The following C4orf36 variants were observed in gnomAD, a reference collection of about 807,000 sequenced individuals.
C4orf36 encodes uncharacterized protein C4orf36.
A neutral mutation model predicts 12.2 loss-of-function variants in C4orf36; 11 were observed. The ratio of observed to expected loss-of-function variants is 0.90; its 90% CI spans 0.57 to 1.49. C4orf36 has a LOEUF of 1.49. Ranked by LOEUF, C4orf36 falls within the 40% of genes most tolerant of loss-of-function variation. The pLI, the probability that C4orf36 is intolerant of heterozygous loss-of-function variation, is 0.00. For missense variants in C4orf36, 137 were observed against 133.9 expected (o/e 1.02, Z -0.11); for synonymous variants, 54 against 51.3 (o/e 1.05, Z -0.22).
chr4:86,899,458 G>C, the C4orf36 span, among the ~76,000 whole-genome samples: 2 of 152,126 alleles, frequency 1.3e-5, no homozygotes, highest in African/African-American at 4.8e-5. Flanking sequence ...CAATGTTAAG[G>C]AAAGTCTCTA....
chr4:86,899,622 G>A, the C4orf36 span, among the ~76,000 whole-genome samples: 2 of 152,160 alleles, frequency 1.3e-5, no homozygotes, highest in Admixed American at 6.5e-5. Context: ...CCAGGAGTTT[G>A]AGACCTGCCT....
intron 4 of C4orf36, among the ~76,000 whole-genome samples, chr4:86,883,035 T>A (rs1747084714): frequency 6.6e-6 from 1 of 152,202 alleles, no homozygotes; most frequent in Non-Finnish European, 1.5e-5. Flanking sequence ...GGACAACAGA[T>A]GGAAGCATAT....
chr4:86,913,302 A>C, the C4orf36 span: 1 of 725,720 alleles, frequency 1.4e-6, no homozygotes, highest in South Asian at 1.4e-5. Context: ...TGAAATCCTA[A>C]ATTGTCATGG....
At chr4:86,906,249 GC>G in the C4orf36 span, among the ~76,000 whole-genome samples, 1 of 152,280 alleles carries the variant, frequency 6.6e-6, no homozygotes, top group Admixed American at 6.5e-5. Context: ...GGAGGGCCCT[GC>G]ATGTTTCTAT....
At chr4:86,879,491 A>G (rs2149419474) in intron 4 of C4orf36, among the ~76,000 whole-genome samples, 1 of 152,326 alleles carries the variant, frequency 6.6e-6, no homozygotes, top group South Asian at 2.1e-4. Flanking sequence ...ATTGAGTCAG[A>G]TAAGCAAAAA....
intron 4 of C4orf36, among the ~76,000 whole-genome samples, chr4:86,885,867 C>G (rs551870709): frequency 6.6e-6 from 1 of 152,100 alleles, no homozygotes; most frequent in Admixed American, 6.6e-5. Flanking sequence ...TTTTGAGATA[C>G]GTCCCATCAA....
At chr4:86,896,070 T>G (rs966836122), upstream of C4orf36, among the ~76,000 whole-genome samples, 38 of 152,328 alleles carry the variant, frequency 2.5e-4, no homozygotes, top group African/African-American at 8.2e-4. Context: ...TTGTCTCAAT[T>G]ATCACACAAT....
the C4orf36 span, among the ~76,000 whole-genome samples, chr4:86,904,955 G>C: frequency 2.0e-5 from 3 of 152,052 alleles, no homozygotes; most frequent in Non-Finnish European, 4.4e-5. Flanking sequence ...CTAAATGAGG[G>C]GCGGTTGCGG....
intron 4 of C4orf36, among the ~76,000 whole-genome samples, chr4:86,880,553 C>T (rs1747029000): frequency 1.3e-5 from 2 of 152,260 alleles, no homozygotes; most frequent in Middle Eastern, 6.8e-3. Context: ...TGTGGCAAAA[C>T]TGTCCTTCAA....
the C4orf36 span, among the ~76,000 whole-genome samples, chr4:86,916,059 G>C: frequency 6.6e-6 from 1 of 152,328 alleles, no homozygotes; most frequent in Non-Finnish European, 1.5e-5. Context: ...AAGGCACTTG[G>C]TTTGTGGTCA....
At chr4:86,880,270 C>T (rs138945300) in intron 4 of C4orf36, among the ~76,000 whole-genome samples, 3,093 of 152,106 alleles carry the variant, frequency 0.02, 118 homozygotes, top group African/African-American at 0.07. Flanking sequence ...GTCAGGAGTT[C>T]GAGACCAGCC....
At chr4:86,928,252 G>T in the C4orf36 span, among the ~76,000 whole-genome samples, 2 of 152,222 alleles carry the variant, frequency 1.3e-5, no homozygotes, top group Non-Finnish European at 2.9e-5. Flanking sequence ...CCTAAGGTGG[G>T]GACTAAGGGA....
chr4:86,920,820 G>A, the C4orf36 span, among the ~76,000 whole-genome samples: 1 of 152,106 alleles, frequency 6.6e-6, no homozygotes, highest in Non-Finnish European at 1.5e-5. Context: ...ACATAGTACT[G>A]TTGTATTGGG....
At chr4:86,927,560 C>T in the C4orf36 span, among the ~76,000 whole-genome samples, 37 of 152,040 alleles carry the variant, frequency 2.4e-4, no homozygotes, top group Non-Finnish European at 4.1e-4. Flanking sequence ...TTTGGGAGGC[C>T]GAGGCGGGTG....
In C4orf36 at chr4:86,891,575, A is replaced by G. The variant is rs1747417489; in HGVS notation, c.-55T>C. On this transcript the variant is annotated 5_prime_UTR_variant, in exon 2 of 5. Coordinates refer to ENST00000295898, the MANE Select transcript of C4orf36 (RefSeq NM_144645.4). ...ATAGGTGCCTGATGGAATGTCACAG[A>G]TAACTCTGTTCACTTTACCTGAAAT... 1.2e-6 allele frequency: 2 copies of G among 1,613,172 alleles called. No individual in the cohort carries two copies. The highest frequency in any genetic ancestry group is 3.3e-5 in the Admixed American group (2 of 59,950).
chr4:86,927,729 G>A, the C4orf36 span, among the ~76,000 whole-genome samples: 2 of 152,138 alleles, frequency 1.3e-5, no homozygotes, highest in East Asian at 3.9e-4. Context: ...AACCCGGGAG[G>A]TGGAGGTTGC....
intron 4 of C4orf36, among the ~76,000 whole-genome samples, chr4:86,880,032 T>C (rs1747014307): frequency 6.6e-6 from 1 of 152,024 alleles, no homozygotes; most frequent in South Asian, 2.1e-4. Flanking sequence ...CTTTTTATTT[T>C]TTGTAGAGAT....
Position 86,888,180 on chromosome 4 carries a change from C to T in C4orf36, c.161G>A (p.Gly54Asp), listed in dbSNP as rs1422965797. Residue 54 changes from glycine to aspartate, a missense_variant, in exon 3 of 5, where the codon GGT becomes GAT. Physicochemically the swap from Gly to Asp is moderately conservative, Grantham distance 94. Transcript: ENST00000295898. The stretch of plus-strand genomic sequence containing the variant: ...GGTACATTTTGTGAGCTGCACAGAA[C>T]CACCAAATGAAATTTCTTCCAAGAA... ...LPFLEEISFG[G>D]SVQLTKCTTI... 3 of 1,614,022 alleles carry T rather than the reference C, an allele frequency of 1.9e-6. No homozygotes were observed. Among genetic ancestry groups the T allele is most frequent in the Non-Finnish European group, 2.5e-6 (3 of 1,180,014 alleles).
At chr4:86,926,005 T>C in the C4orf36 span, 1 of 151,326 alleles carries the variant, frequency 6.6e-6, no homozygotes, top group Non-Finnish European at 1.5e-5. Context: ...GCCTCCCGAG[T>C]AGGTGGGATT....
Sources: allele counts gnomAD v4.1 joint callset (sites outside exome capture counted in the v4.1 genomes callset), GRCh38; gene constraint gnomAD v4.1.1; transcripts MANE v1.5; gene names NCBI Gene and HGNC (gene_info 2026-07-23, HGNC 2026-07-21).